NUDT13: variants seen among roughly 807,000 people sequenced by gnomAD.
The protein encoded by NUDT13 is nudix hydrolase 13.
A neutral mutation model predicts 41.7 loss-of-function variants in NUDT13; 40 were observed. That is an observed-to-expected ratio of 0.96 (90% confidence interval 0.75 to 1.25). NUDT13 has a LOEUF of 1.25. Among genes scored for constraint, NUDT13 ranks in the 50% most tolerant of loss-of-function variants. The pLI, the probability that NUDT13 is intolerant of heterozygous loss-of-function variation, is 0.00. For synonymous variants in NUDT13, 145 were observed against 155.5 expected (o/e 0.93, Z 0.50); for missense variants, 390 against 416.1 (o/e 0.94, Z 0.55).
intron 1 of NUDT13, among the ~76,000 whole-genome samples, chr10:73,112,188 TA>T (rs1402897995): frequency 1.1e-4 from 16 of 151,650 alleles, no homozygotes; most frequent in Non-Finnish European, 8.8e-5. Flanking sequence ...CCATCTCTAC[TA>T]AAAAAAATAC....
intron 3 of NUDT13, among the ~76,000 whole-genome samples, chr10:73,120,959 A>G (rs955392756): frequency 6.6e-6 from 1 of 151,844 alleles, no homozygotes; most frequent in Non-Finnish European, 1.5e-5. Context: ...AAAAAGTTCC[A>G]TCATAACTTC....
intron 2 of NUDT13, chr10:73,119,473 TAC>T (rs1842590957): frequency 1.0e-6 from 1 of 985,010 alleles, no homozygotes. Flanking sequence ...TCACTGAAGA[TAC>T]AGTGTTTACT....
In NUDT13 at chr10:73,122,361, G is replaced by A; in HGVS notation, c.358+52G>A. The A allele has an allele frequency of 2.6e-6, 4 of 1,510,732 alleles. No individual in the cohort carries two copies. In the South Asian group the frequency reaches 5.0e-5, roughly 19 times the overall value. 93.6% of individuals were successfully genotyped at this position (1,510,732 alleles called of 1,614,324 possible). On this transcript the variant is annotated intron_variant, in intron 4 of 8. Transcript: ENST00000357321. ...CTTCCCAGTGGTCTTCAGAATTTGGGATTTCACATAATGGTAAAATTTAAA... is the reference window on the plus strand; with the variant it reads ...CTTCCCAGTGGTCTTCAGAATTTGGAATTTCACATAATGGTAAAATTTAAA...
intron 7 of NUDT13, among the ~76,000 whole-genome samples, chr10:73,125,919 C>T (rs1197134751): frequency 6.6e-6 from 1 of 152,052 alleles, no homozygotes; most frequent in African/African-American, 2.4e-5. Context: ...CTCCTGGCTT[C>T]AAGTGACCTA....
At position 73,122,334 on chromosome 10, in the gene NUDT13, T is replaced by A. The variant is rs148342282; in HGVS notation, c.358+25T>A. The A allele has an allele frequency of 3.5e-5, 56 of 1,593,320 alleles. 1 individual carries two copies. In the African/African-American group the frequency reaches 6.8e-4, roughly 19 times the overall value. Reference sequence around the variant, plus strand: ...GGTACATGACATTATTCCTAACGGGTACTTCCCAGTGGTCTTCAGAATTTG... The same window carrying A: ...GGTACATGACATTATTCCTAACGGGAACTTCCCAGTGGTCTTCAGAATTTG... On this transcript the variant is annotated intron_variant, in intron 4 of 8. Coordinates refer to ENST00000357321, the MANE Select transcript of NUDT13 (RefSeq NM_015901.6).
chr10:73,120,330 C>T (rs1842613665), intron 3 of NUDT13, among the ~76,000 whole-genome samples, 173 bp downstream of exon 3: 1 of 152,198 alleles, frequency 6.6e-6, no homozygotes, highest in South Asian at 2.1e-4. Context: ...ATTGTATGAA[C>T]TCTAGTTGTC....
chr10:73,119,945 C>T, intron 2 of NUDT13, 73 bp from the exon 3 acceptor site: 1 of 1,430,530 alleles, frequency 7.0e-7, no homozygotes, highest in Non-Finnish European at 9.8e-7. Flanking sequence ...GCAGCGACAG[C>T]ATTCTCAAAG....
chr10:73,115,905 T>G (rs2133204453), intron 2 of NUDT13, among the ~76,000 whole-genome samples: 1 of 152,346 alleles, frequency 6.6e-6, no homozygotes. Context: ...TAGAAATCTG[T>G]GAATTTGAAA....
At chr10:73,119,374 A>T in intron 2 of NUDT13, 1 of 349,350 alleles carries the variant, frequency 2.9e-6, no homozygotes, top group Non-Finnish European at 4.0e-6. Context: ...ATAAGGAGTT[A>T]ATGGTATCTA....
intron 8 of NUDT13, 104 bp downstream of exon 8, chr10:73,126,931 A>C: frequency 9.9e-7 from 1 of 1,009,610 alleles, no homozygotes; most frequent in Non-Finnish European, 1.5e-6. Flanking sequence ...CATCATCTAG[A>C]TTACATAAAC....
At chr10:73,120,226 A>G in intron 3 of NUDT13, 69 bp downstream of exon 3, 1 of 1,495,092 alleles carries the variant, frequency 6.7e-7, no homozygotes, top group South Asian at 1.3e-5. Context: ...CCCATAATGA[A>G]TTCTAAGAAA....
chr10:73,122,763 T>C (rs1447685298), intron 4 of NUDT13, among the ~76,000 whole-genome samples: 1 of 150,220 alleles, frequency 6.7e-6, no homozygotes, highest in Non-Finnish European at 1.5e-5. Context: ...TTTTTTTTAA[T>C]AGAGATGGGG....
At chr10:73,129,773 T>C (rs1589671587) in intron 8 of NUDT13, among the ~76,000 whole-genome samples, 1 of 147,466 alleles carries the variant, frequency 6.8e-6, no homozygotes, top group Non-Finnish European at 1.5e-5. Context: ...AGGTCAGGAG[T>C]TCAAAAACAT....
chr10:73,130,836 T>G lies in NUDT13; in HGVS notation c.992T>G (p.Leu331Ter), dbSNP rs781726713. The G allele has an allele frequency of 6.2e-7, 1 of 1,613,910 alleles. No homozygotes were observed. The highest frequency in any genetic ancestry group is 1.3e-5 in the African/African-American group (1 of 74,996). Reference protein sequence around the residue: ...GTFPFWLPPKLAISHQLIKEW... With the variant: ...GTFPFWLPPK ...TTCCCATTCTGGCTGCCCCCTAAGT[T>G]AGCCATCTCCCACCAACTGATTAAG... Residue 331 changes from leucine to a stop codon, truncating the protein, a stop_gained, in exon 9 of 9, where the codon TTA (leucine) becomes TGA (stop). Coordinates refer to ENST00000357321, the MANE Select transcript of NUDT13 (RefSeq NM_015901.6). LOFTEE classifies it high-confidence loss of function.
At chr10:73,115,847 A>G (rs1028110486) in intron 2 of NUDT13, among the ~76,000 whole-genome samples, 2 of 152,210 alleles carry the variant, frequency 1.3e-5, no homozygotes, top group Non-Finnish European at 2.9e-5. Flanking sequence ...AAAATCTACA[A>G]TAGCACATGA....
chr10:73,128,148 A>G (rs1376908865), intron 8 of NUDT13, among the ~76,000 whole-genome samples: 3 of 152,174 alleles, frequency 2.0e-5, no homozygotes, highest in African/African-American at 7.2e-5. Flanking sequence ...CTATTATAGT[A>G]TATACCACAT....
Position 73,124,194 on chromosome 10 carries a change from T to C in NUDT13, c.359-20T>C. On this transcript the variant is annotated intron_variant, in intron 4 of 8. Transcript: ENST00000357321. ...AAAGTTTGTCATTGTTTAATTTCAT[T>C]ATCTTTTCTAATTTTCTAGCCTCCT... The C allele has an allele frequency of 6.5e-7, 1 of 1,531,282 alleles. No homozygotes were observed. Among genetic ancestry groups the C allele is most frequent in the South Asian group, 1.1e-5 (1 of 89,410 alleles). The allele number at this position is 1,531,282 out of a possible 1,614,324, so 94.9% of individuals were successfully genotyped here.
At chr10:73,114,495 A>T in intron 2 of NUDT13, 47 bp downstream of exon 2, 1 of 955,642 alleles carries the variant, frequency 1.0e-6, no homozygotes, top group Admixed American at 2.2e-5. Context: ...TTGGCCCATT[A>T]AACTATTGTG....
intron 2 of NUDT13, chr10:73,119,543 T>C: frequency 1.1e-6 from 1 of 924,126 alleles, no homozygotes; most frequent in Non-Finnish European, 1.3e-6. Context: ...GTTGATGTTT[T>C]ATCACTGTAC....
Sources: allele counts gnomAD v4.1 joint callset (sites outside exome capture counted in the v4.1 genomes callset), GRCh38; gene constraint gnomAD v4.1.1; transcripts MANE v1.5; gene names NCBI Gene and HGNC (gene_info 2026-07-23, HGNC 2026-07-21).